Variants in ZC3H12B observed in about 807,000 individuals in gnomAD.
ZC3H12B encodes zinc finger CCCH-type containing 12B.
In ZC3H12B, 7 loss-of-function variants were observed where a neutral mutation model predicts 43.9. The ratio of observed to expected loss-of-function variants is 0.16; its 90% confidence interval spans 0.09 to 0.30. ZC3H12B has a LOEUF of 0.30. ZC3H12B is among the 10% of genes least tolerant of loss of function. The pLI is 1.00. For synonymous variants in ZC3H12B, 222 were observed against 241.7 expected, an observed-to-expected ratio of 0.92 and a Z score of 0.76; for missense variants, 475 against 670.2, an observed-to-expected ratio of 0.71 and a Z score of 3.22.
At chrX:65,230,555 G>A in the ZC3H12B span, among the ~76,000 whole-genome samples, 4 of 97,578 alleles carry the variant, frequency 4.1e-5, no homozygotes, top group Admixed American at 1.2e-4. Context: ...AAAAATATAC[G>A]AAATCACCAG....
chrX:65,453,368 A>G (rs865881590), intron 3 of ZC3H12B, among the ~76,000 whole-genome samples: 1 of 68,481 alleles, frequency 1.5e-5, no homozygotes, highest in African/African-American at 6.6e-5. Context: ...GCATATATAT[A>G]TATATATATA....
chrX:65,331,173 G>C, the ZC3H12B span: 2 of 222,461 alleles, frequency 9.0e-6, no homozygotes, highest in Non-Finnish European at 1.8e-5. Context: ...AGGGGTCCAA[G>C]AGAGCGCAGC....
chrX:65,192,685 C>T, the ZC3H12B span, among the ~76,000 whole-genome samples: 2 of 111,304 alleles, frequency 1.8e-5, no homozygotes, highest in Non-Finnish European at 3.8e-5. Context: ...TCCTCCCTCC[C>T]TAGGATAAAT....
the ZC3H12B span, among the ~76,000 whole-genome samples, chrX:65,119,588 C>G: frequency 9.0e-6 from 1 of 111,380 alleles, no homozygotes; most frequent in African/African-American, 3.3e-5. Context: ...TTCTCCCATT[C>G]TGTAGGTTGC....
At chrX:65,192,617 G>C in the ZC3H12B span, among the ~76,000 whole-genome samples, 3 of 111,435 alleles carry the variant, frequency 2.7e-5, no homozygotes, top group Admixed American at 9.6e-5. Context: ...TATGATTTTT[G>C]TCCTTCATTC....
At chrX:65,255,948 T>C in the ZC3H12B span, among the ~76,000 whole-genome samples, 1 of 112,289 alleles carries the variant, frequency 8.9e-6, no homozygotes, top group South Asian at 3.6e-4. Context: ...AGAAGGCCAA[T>C]TCATAATAGT....
chrX:65,219,805 C>T, the ZC3H12B span, among the ~76,000 whole-genome samples: 6 of 93,099 alleles, frequency 6.4e-5, no homozygotes, highest in Non-Finnish European at 1.1e-4. Context: ...TACATACACA[C>T]ACATACACAC....
chrX:65,189,811 A>C, the ZC3H12B span, among the ~76,000 whole-genome samples: 1 of 110,682 alleles, frequency 9.0e-6, no homozygotes, highest in Admixed American at 9.6e-5. Context: ...ATTAGATCCC[A>C]TTTGTCAATT....
chrX:65,158,907 T>C, the ZC3H12B span, among the ~76,000 whole-genome samples: 2 of 112,016 alleles, frequency 1.8e-5, no homozygotes, highest in African/African-American at 6.5e-5. Flanking sequence ...TGGTTTTAGG[T>C]CTAACATTTA....
chrX:65,226,697 C>A, the ZC3H12B span, among the ~76,000 whole-genome samples: 1 of 110,729 alleles, frequency 9.0e-6, no homozygotes, highest in African/African-American at 3.3e-5. Context: ...AGCTACCAAG[C>A]AAATGGAAAA....
At chrX:65,492,650 C>T (rs572477219) in intron 1 of ZC3H12B, among the ~76,000 whole-genome samples, 26 of 111,943 alleles carry the variant, frequency 2.3e-4, no homozygotes, top group Non-Finnish European at 4.5e-4. Context: ...CAAAGTTCAG[C>T]GCTATAGTCT....
At chrX:65,500,648 C>T (rs1363837866) in intron 4 of ZC3H12B, among the ~76,000 whole-genome samples, 4 of 110,962 alleles carry the variant, frequency 3.6e-5, no homozygotes, top group Non-Finnish European at 5.7e-5. Flanking sequence ...AAGCTGGTCT[C>T]GAACTCCTGA....
chrX:65,383,820 C>T (rs1369326214), intron 2 of ZC3H12B, among the ~76,000 whole-genome samples: 5 of 110,642 alleles, frequency 4.5e-5, no homozygotes, highest in Non-Finnish European at 9.5e-5. Context: ...CACAATGAGA[C>T]ACCATTTCAC....
At chrX:65,359,215 G>A in the ZC3H12B span, among the ~76,000 whole-genome samples, 1 of 111,224 alleles carries the variant, frequency 9.0e-6, no homozygotes, top group Non-Finnish European at 1.9e-5. Context: ...AGTCACGCAA[G>A]AGCTCTGATG....
chrX:65,314,283 G>C, the ZC3H12B span, among the ~76,000 whole-genome samples: 2 of 111,442 alleles, frequency 1.8e-5, no homozygotes, highest in African/African-American at 6.5e-5. Context: ...CCCCAAATTG[G>C]TGAAATATGT....
At chrX:65,299,189 T>C in the ZC3H12B span, among the ~76,000 whole-genome samples, 7 of 112,259 alleles carry the variant, frequency 6.2e-5, no homozygotes, top group Admixed American at 9.4e-5. Flanking sequence ...ATGGGTTGAC[T>C]AGTGAATTTT....
intron 2 of ZC3H12B, among the ~76,000 whole-genome samples, chrX:65,383,365 T>C (rs2066472022): frequency 8.9e-6 from 1 of 112,002 alleles, no homozygotes; most frequent in Admixed American, 9.5e-5. Context: ...GGATTCCCTA[T>C]TTAATAAATG....
chrX:65,228,311 A>T, the ZC3H12B span, among the ~76,000 whole-genome samples: 1 of 112,077 alleles, frequency 8.9e-6, no homozygotes, highest in African/African-American at 3.2e-5. Context: ...GATGCAGAAA[A>T]GGCCTTTGAC....
At chrX:65,233,195 CA>C in the ZC3H12B span, among the ~76,000 whole-genome samples, 1 of 111,349 alleles carries the variant, frequency 9.0e-6, no homozygotes, top group East Asian at 2.8e-4. Context: ...ATCATGTAGA[CA>C]AAAAATTAGC....
Sources: gnomAD v4.1 joint callset for allele counts (sites outside exome capture counted in the v4.1 genomes callset) on GRCh38, gnomAD v4.1.1 for gene constraint, MANE v1.5 for transcripts, NCBI Gene and HGNC (gene_info 2026-07-23, HGNC 2026-07-21) for gene names.